The following SULT1B1 variants were observed in gnomAD, a reference collection of about 807,000 sequenced individuals.
SULT1B1 encodes sulfotransferase family 1B member 1.
A neutral mutation model predicts 34.6 loss-of-function variants in SULT1B1; 28 were observed. That is an observed-to-expected ratio of 0.81 (90% CI 0.60 to 1.11). SULT1B1 has a LOEUF of 1.11. Ranked by LOEUF, SULT1B1 falls within the 50% of genes least tolerant of loss-of-function variation. SULT1B1 has a pLI of 0.00. For missense variants in SULT1B1, 374 were observed against 352.2 expected (o/e 1.06, Z -0.50); for synonymous variants, 147 against 110.2 (o/e 1.33, Z -2.09).
At chr4:69,756,977 A>ACG (rs1719216238) in intron 1 of SULT1B1, among the ~76,000 whole-genome samples, 1 of 146,026 alleles carries the variant, frequency 6.8e-6, no homozygotes, top group Non-Finnish European at 1.5e-5. Context: ...ACACACACAC[A>ACG]CAGACACACA....
rs1256772027 is a variant in SULT1B1, at chr4:69,723,357, A to G, written c.*3731T>C. The G allele has an allele frequency of 6.6e-6, 1 of 152,184 alleles. No homozygotes were observed. Among genetic ancestry groups the G allele is most frequent in the Admixed American group, 6.5e-5 (1 of 15,276 alleles). The allele number at this position is 152,184 out of a possible 1,614,324, so 9.4% of individuals were successfully genotyped here. A position where few individuals can be genotyped will look rare whatever the true frequency, so the allele number is the denominator to read the frequency against. On this transcript the variant is annotated 3_prime_UTR_variant, in exon 8 of 8. Coordinates refer to ENST00000310613, the MANE Select transcript of SULT1B1 (RefSeq NM_014465.4). ...TTGAATCTCTGAATAGAAAAATAAC[A>G]TGCTCTGAAATAGAGGCAATAATTA...
At chr4:69,753,619 G>A (rs150478132) in intron 3 of SULT1B1, among the ~76,000 whole-genome samples, 44 of 152,190 alleles carry the variant, frequency 2.9e-4, no homozygotes, top group African/African-American at 9.4e-4. Context: ...ATGCTTTCCA[G>A]GACTGTATCC....
At position 69,754,696 on chromosome 4, in the gene SULT1B1, A is replaced by T. The variant is rs1719119711; in HGVS notation, c.251T>A (p.Met84Lys). ...FITEKVPMLE[M>K]TLPGLRTSGI... ...TGATGTTCTTAATCCAGGGAGAGTC[A>T]TTTCCAACATTGGAACTTTTTCAGT... Residue 84 changes from methionine to lysine, a missense_variant, in exon 3 of 8, where the codon ATG becomes AAG. Coordinates refer to ENST00000310613, the MANE Select transcript of SULT1B1 (RefSeq NM_014465.4). The T allele has an allele frequency of 6.2e-7, 1 of 1,613,342 alleles. No individual in the cohort carries two copies. The highest frequency in any genetic ancestry group is 2.2e-5 in the East Asian group (1 of 44,762).
chr4:69,730,758 T>C, intron 6 of SULT1B1, 77 bp from the exon 7 acceptor site: 1 of 1,348,534 alleles, frequency 7.4e-7, no homozygotes. Flanking sequence ...TTATAATCCG[T>C]TTTTTTAAAT....
rs571105294 is a variant in SULT1B1, at chr4:69,723,338, C to A, written c.*3750G>T. 4 of 152,296 alleles carry A rather than the reference C, an allele frequency of 2.6e-5. No individual in the cohort carries two copies. Among genetic ancestry groups the A allele is most frequent in the African/African-American group, 7.2e-5 (3 of 41,558 alleles). 9.4% of individuals were successfully genotyped at this position (152,296 alleles called of 1,614,324 possible). On this transcript the variant is annotated 3_prime_UTR_variant, in exon 8 of 8. Transcript: ENST00000310613. ...AGAATAAACCAGGAAGAAGTTGAAT[C>A]TCTGAATAGAAAAATAACATGCTCT...
Position 69,722,078 on chromosome 4 carries a change from G to A in SULT1B1, c.*5010C>T, listed in dbSNP as rs933092640. The A allele has an allele frequency of 6.6e-6, 1 of 152,054 alleles. No homozygotes were observed. The highest frequency in any genetic ancestry group is 1.5e-5 in the Non-Finnish European group (1 of 67,976). 9.4% of individuals were successfully genotyped at this position (152,054 alleles called of 1,614,324 possible). On this transcript the variant is annotated 3_prime_UTR_variant, in exon 8 of 8. Transcript: ENST00000310613. ...TGTTAAACATAAACTGAGGAATTAG[G>A]ATAGTGACATTTGCATCATAGAATA...
At chr4:69,756,632 A>G (rs908149312) in intron 1 of SULT1B1, among the ~76,000 whole-genome samples, 10 of 152,088 alleles carry the variant, frequency 6.6e-5, no homozygotes, top group African/African-American at 2.4e-4. Flanking sequence ...CTGCAGACTC[A>G]AACTGAAGCA....
Position 69,722,246 on chromosome 4 carries a change from CAGAG to C in SULT1B1, c.*4838_*4841del, listed in dbSNP as rs1183704121. On this transcript the variant is annotated 3_prime_UTR_variant, in exon 8 of 8. Coordinates refer to ENST00000310613, the MANE Select transcript of SULT1B1 (RefSeq NM_014465.4). ...GTTTTCGTTGAATACAGTCCAATTA[CAGAG>C]AGTTATTTCTACAAAGTAAAACTAG... The C allele has an allele frequency of 7.2e-5, 11 of 152,064 alleles. No homozygotes were observed. Among genetic ancestry groups the C allele is most frequent in the Admixed American group, 5.2e-4 (8 of 15,252 alleles). 9.4% of individuals were successfully genotyped at this position (152,064 alleles called of 1,614,324 possible).
At chr4:69,732,594 G>C (rs549455283) in intron 6 of SULT1B1, among the ~76,000 whole-genome samples, 72 of 151,928 alleles carry the variant, frequency 4.7e-4, no homozygotes, top group Middle Eastern at 6.8e-3. Context: ...TGTATGTTCA[G>C]GCTTTTATAA....
chr4:69,733,603 G>T (rs1578049385), intron 5 of SULT1B1, 96 bp from the exon 6 acceptor site: 1 of 900,210 alleles, frequency 1.1e-6, no homozygotes, highest in Admixed American at 3.0e-5. Flanking sequence ...TTTGAATTTA[G>T]TAACCAAAGG....
intron 4 of SULT1B1, among the ~76,000 whole-genome samples, chr4:69,741,778 TG>T (rs958925430): frequency 2.0e-5 from 3 of 152,292 alleles, no homozygotes; most frequent in African/African-American, 7.2e-5. Context: ...TAGGTGCTTT[TG>T]GGCAGAAACT....
intron 4 of SULT1B1, among the ~76,000 whole-genome samples, chr4:69,747,520 A>C (rs1718796918): frequency 6.6e-6 from 1 of 152,222 alleles, no homozygotes; most frequent in Non-Finnish European, 1.5e-5. Context: ...GCCTATGTGC[A>C]AAACAGGCCT....
At chr4:69,758,183 C>A (rs1719261805) in intron 1 of SULT1B1, 1 of 442,284 alleles carries the variant, frequency 2.3e-6, no homozygotes, top group Non-Finnish European at 3.0e-6. Flanking sequence ...GTCAAGAAGT[C>A]AGCAGAAGGA....
At chr4:69,759,461 G>A (rs1026647392) in intron 1 of SULT1B1, among the ~76,000 whole-genome samples, 1 of 152,174 alleles carries the variant, frequency 6.6e-6, no homozygotes, top group Admixed American at 6.5e-5. Context: ...TGCCGGAGAA[G>A]GATGGAATGA....
chr4:69,734,029 A>C, intron 5 of SULT1B1, 109 bp downstream of exon 5: 1 of 956,324 alleles, frequency 1.0e-6, no homozygotes, highest in Non-Finnish European at 1.4e-6. Context: ...ATTTGAACAT[A>C]CTTTTCACTA....
rs910318789 is a variant in SULT1B1, at chr4:69,725,031, T to G, written c.*2057A>C. On this transcript the variant is annotated 3_prime_UTR_variant, in exon 8 of 8. Transcript: ENST00000310613. ...CCAAAATTGACAAATGGGATCTAAT[T>G]AAACTAAAGAGCTTCTGCACAGCAA... 3 of 151,906 alleles carry G rather than the reference T, an allele frequency of 2.0e-5. No homozygotes were observed. The highest frequency in any genetic ancestry group is 7.3e-5 in the African/African-American group (3 of 41,234). 9.4% of individuals were successfully genotyped at this position (151,906 alleles called of 1,614,324 possible).
At position 69,743,771 on chromosome 4, in the gene SULT1B1, G is replaced by A. The variant is rs537126682; in HGVS notation, c.375+5950C>T. Among the ~76,000 whole-genome samples, 15 of 152,286 alleles carry A rather than the reference G, an allele frequency of 9.8e-5. No homozygotes were observed. The South Asian group carries it at 2.3e-3, about 23-fold the overall frequency. On this transcript the variant is annotated intron_variant, in intron 4 of 7. Coordinates refer to ENST00000310613, the MANE Select transcript of SULT1B1 (RefSeq NM_014465.4). Reference sequence around the variant, plus strand: ...ATCCAACTGGGCTATGACAGCACCCGGGCTTGGTGTCAACCATGATCCGAG... The same window carrying A: ...ATCCAACTGGGCTATGACAGCACCCAGGCTTGGTGTCAACCATGATCCGAG...
intron 7 of SULT1B1, among the ~76,000 whole-genome samples, chr4:69,728,342 C>T (rs1039084284): frequency 6.6e-6 from 1 of 152,020 alleles, no homozygotes; most frequent in Non-Finnish European, 1.5e-5. Context: ...TTAGGACATA[C>T]GACCAAACAT....
At chr4:69,754,202 A>C (rs1474585441) in intron 3 of SULT1B1, among the ~76,000 whole-genome samples, 1 of 152,194 alleles carries the variant, frequency 6.6e-6, no homozygotes, top group African/African-American at 2.4e-5. Context: ...GCTCCCTGTG[A>C]TACAATATAC....
Sources: gnomAD v4.1 joint callset for allele counts (sites outside exome capture counted in the v4.1 genomes callset) on GRCh38, gnomAD v4.1.1 for gene constraint, MANE v1.5 for transcripts, NCBI Gene and HGNC (gene_info 2026-07-23, HGNC 2026-07-21) for gene names.